The following G3BP1 variants were observed in gnomAD, a reference collection of about 807,000 sequenced individuals.
G3BP1 encodes G3BP stress granule assembly factor 1.
G3BP1 carries 35 observed loss-of-function variants against 58.6 expected under a neutral mutation model. That is an observed-to-expected ratio of 0.60 (90% confidence interval 0.46 to 0.79). The LOEUF is 0.79. Among genes scored for constraint, G3BP1 ranks in the 30% least tolerant of loss-of-function variants. The pLI, the probability that G3BP1 is intolerant of heterozygous loss-of-function variation, is 0.00. For missense variants in G3BP1, 523 were observed against 580.8 expected (o/e 0.90, Z 1.02); for synonymous variants, 191 against 195.4 (o/e 0.98, Z 0.19).
intron 1 of G3BP1, among the ~76,000 whole-genome samples, chr5:151,780,429 T>C (rs1762447092): frequency 6.6e-6 from 1 of 152,186 alleles, no homozygotes; most frequent in African/African-American, 2.4e-5. Flanking sequence ...AGCTTTGCCA[T>C]TAAAAATGCA....
At chr5:151,791,115 A>G (rs548848141) in intron 4 of G3BP1, 53 bp downstream of exon 4, 2 of 1,411,664 alleles carry the variant, frequency 1.4e-6, no homozygotes, top group Non-Finnish European at 2.0e-6. Flanking sequence ...AAAAAGAAAC[A>G]ATGAACTGTT....
rs2113257511 is a variant in G3BP1, at chr5:151,805,806, A to ATGGTGGG, written c.*1716_*1717insGGTGGGT. The ATGGTGGG allele has an allele frequency of 6.6e-6, 1 of 152,338 alleles. No individual in the cohort carries two copies. The highest frequency in any genetic ancestry group is 2.1e-4 in the South Asian group (1 of 4,826). 9.4% of individuals were successfully genotyped at this position (152,338 alleles called of 1,614,324 possible). A position where few individuals can be genotyped will look rare whatever the true frequency, so the allele number is the denominator to read the frequency against. On this transcript the variant is annotated 3_prime_UTR_variant, in exon 12 of 12. Coordinates refer to ENST00000356245, the MANE Select transcript of G3BP1 (RefSeq NM_005754.3). ...AATACAACTTATACTTTTGTAGCTTATATTAAGCATGTGGTGGGTGGAAAG... is the reference window on the plus strand; with the variant it reads ...AATACAACTTATACTTTTGTAGCTTATGGTGGGTATTAAGCATGTGGTGGGTGGAAAG...
At chr5:151,801,729 G>C (rs778317838) in intron 11 of G3BP1, among the ~76,000 whole-genome samples, 1 of 152,018 alleles carries the variant, frequency 6.6e-6, no homozygotes, top group Non-Finnish European at 1.5e-5. Context: ...AATTAAAATT[G>C]TGTACTTTAA....
chr5:151,774,286 A>AT (rs1293010315), intron 1 of G3BP1, among the ~76,000 whole-genome samples: 3 of 151,296 alleles, frequency 2.0e-5, no homozygotes, highest in Admixed American at 2.0e-4. Context: ...ACATTAGGAG[A>AT]TTTTGGTAAT....
chr5:151,804,020 G>A lies in G3BP1; in HGVS notation c.1330G>A (p.Gly444Ser). ...PRGGLGGGMRGPPRGGMVQKP... is the reference protein window; with the variant it reads ...PRGGLGGGMRSPPRGGMVQKP... The stretch of plus-strand genomic sequence containing the variant: ...AGGTGGGCTGGGTGGTGGAATGAGA[G>A]GCCCTCCCCGTGGAGGCATGGTGCA... The change falls in exon 12 of 12, where the codon GGC becomes AGC. Residue 444 changes from glycine to serine, a missense_variant. Coordinates refer to ENST00000356245, the MANE Select transcript of G3BP1 (RefSeq NM_005754.3). The A allele has an allele frequency of 6.2e-7, 1 of 1,613,420 alleles. No individual in the cohort carries two copies. The highest frequency in any genetic ancestry group is 8.5e-7 in the Non-Finnish European group (1 of 1,179,700).
intron 1 of G3BP1, among the ~76,000 whole-genome samples, chr5:151,773,573 C>T (rs1257708092): frequency 6.6e-6 from 1 of 152,110 alleles, no homozygotes; most frequent in East Asian, 1.9e-4. Flanking sequence ...CCAACATACT[C>T]CTTGGCTTAG....
In G3BP1 at chr5:151,811,474, T is replaced by C. The variant is rs1471171113; in HGVS notation, c.*7383T>C. 2.0e-5 allele frequency: 3 copies of C among 152,256 alleles called. No individual in the cohort carries two copies. Among genetic ancestry groups the C allele is most frequent in the Non-Finnish European group, 4.4e-5 (3 of 68,044 alleles). The allele number at this position is 152,256 out of a possible 1,614,324, so 9.4% of individuals were successfully genotyped here. A position where few individuals can be genotyped will look rare whatever the true frequency, so the allele number is the denominator to read the frequency against. On this transcript the variant is annotated 3_prime_UTR_variant, in exon 12 of 12. Coordinates refer to ENST00000356245, the MANE Select transcript of G3BP1 (RefSeq NM_005754.3). ...GCATATAAAGTTGGTTAAATAGTAA[T>C]AATTATGAGTTAACCACAGAAAATT...
At position 151,788,570 on chromosome 5, in the gene G3BP1, A is replaced by ATGTGTGTGTGTG. The variant is rs201430384; in HGVS notation, c.96-1752_96-1751insGTGTGTGTGTGT. ...TGCACTACCATGCCCAGCTAAGTTT[A>ATGTGTGTGTGTG]TATGTGTGTGTGTGTGTGTGTGTGT... On this transcript the variant is annotated intron_variant, in intron 2 of 11. Transcript: ENST00000356245. Among the ~76,000 whole-genome samples, 176 of 93,154 alleles carry ATGTGTGTGTGTG rather than the reference A, an allele frequency of 1.9e-3. 3 individuals are homozygous for ATGTGTGTGTGTG. Among genetic ancestry groups the ATGTGTGTGTGTG allele is most frequent in the Middle Eastern group, 5.9e-3 (1 of 170 alleles). 61.1% of individuals were successfully genotyped at this position (93,154 alleles called of 152,430 possible).
chr5:151,795,074 G>A (rs1309642972), intron 5 of G3BP1, among the ~76,000 whole-genome samples: 7 of 152,166 alleles, frequency 4.6e-5, no homozygotes, highest in Non-Finnish European at 1.0e-4. Context: ...TCAGGAGATC[G>A]AGGCCATCCT....
rs1762972441 is a variant in G3BP1, at chr5:151,808,741, A to G, written c.*4650A>G. The G allele has an allele frequency of 6.6e-6, 1 of 152,236 alleles. No homozygotes were observed. The highest frequency in any genetic ancestry group is 2.4e-5 in the African/African-American group (1 of 41,458). 9.4% of individuals were successfully genotyped at this position (152,236 alleles called of 1,614,324 possible). A position where few individuals can be genotyped will look rare whatever the true frequency, so the allele number is the denominator to read the frequency against. On this transcript the variant is annotated 3_prime_UTR_variant, in exon 12 of 12. Transcript: ENST00000356245. Reference sequence around the variant, plus strand: ...TAAGTAAATTAAGGATGTTTACCAGAAATTATTGATTTACTGAACCAAGTA... The same window carrying G: ...TAAGTAAATTAAGGATGTTTACCAGGAATTATTGATTTACTGAACCAAGTA...
chr5:151,774,682 A>G (rs929871251), intron 1 of G3BP1, among the ~76,000 whole-genome samples: 3 of 151,490 alleles, frequency 2.0e-5, no homozygotes, highest in African/African-American at 7.3e-5. Context: ...CTGACTTTAC[A>G]AAGAAGAATG....
rs551587602 is a variant in G3BP1, at chr5:151,795,971, G to A, written c.539+396G>A. Among the ~76,000 whole-genome samples the A allele has an allele frequency of 4.6e-5, 7 of 152,300 alleles. No homozygotes were observed. In the South Asian group the frequency reaches 1.5e-3, roughly 32 times the overall value. Reference sequence around the variant, plus strand: ...AATTGATATAAATACCAATATGTGAGTTAAGTAGCAATAAAGAATTTCATT... The same window carrying A: ...AATTGATATAAATACCAATATGTGAATTAAGTAGCAATAAAGAATTTCATT... On this transcript the variant is annotated intron_variant, in intron 6 of 11. Coordinates refer to ENST00000356245, the MANE Select transcript of G3BP1 (RefSeq NM_005754.3).
At chr5:151,801,460 A>G (rs184273533) in intron 11 of G3BP1, among the ~76,000 whole-genome samples, 113 of 152,316 alleles carry the variant, frequency 7.4e-4, no homozygotes, top group Non-Finnish European at 1.4e-3. Flanking sequence ...TACTTTTTGT[A>G]GTAGTAGAGA....
rs1762977956 is a variant in G3BP1 at position 151,809,137 on chromosome 5, C to T, written c.*5046C>T. The T allele has an allele frequency of 6.6e-6, 1 of 152,216 alleles. No homozygotes were observed. Among genetic ancestry groups the T allele is most frequent in the African/African-American group, 2.4e-5 (1 of 41,428 alleles). 9.4% of individuals were successfully genotyped at this position (152,216 alleles called of 1,614,324 possible). The stretch of plus-strand genomic sequence containing the variant: ...GCTGCAGTGAGTTATGATCATACCA[C>T]TGCACTCTAACCTGGGTGACAGAGT... On this transcript the variant is annotated 3_prime_UTR_variant, in exon 12 of 12. Transcript: ENST00000356245.
At chr5:151,786,979 ACCACAGGTG>A (rs1252151863) in intron 2 of G3BP1, 2 of 235,284 alleles carry the variant, frequency 8.5e-6, no homozygotes, top group Non-Finnish European at 1.6e-5. Flanking sequence ...AGTAGCTGGG[ACCACAGGTG>A]CCCACAACCA....
In G3BP1 at chr5:151,805,553, A is replaced by C. The variant is rs1179375275; in HGVS notation, c.*1462A>C. Reference sequence around the variant, plus strand: ...TCATCTTTAGGACTGTCGTTTGAGGATAGCATAGGAATATTTGGTTTGCAT... The same window carrying C: ...TCATCTTTAGGACTGTCGTTTGAGGCTAGCATAGGAATATTTGGTTTGCAT... On this transcript the variant is annotated 3_prime_UTR_variant, in exon 12 of 12. Transcript: ENST00000356245. 6.6e-6 allele frequency: 1 copy of C among 152,174 alleles called. No individual in the cohort carries two copies. The highest frequency in any genetic ancestry group is 6.5e-5 in the Admixed American group (1 of 15,282). The allele number at this position is 152,174 out of a possible 1,614,324, so 9.4% of individuals were successfully genotyped here.
At chr5:151,779,110 C>A (rs1017560384) in intron 1 of G3BP1, among the ~76,000 whole-genome samples, 3 of 151,770 alleles carry the variant, frequency 2.0e-5, no homozygotes, top group African/African-American at 7.3e-5. Flanking sequence ...TACTCCTAAT[C>A]TGTGGCTTGC....
At chr5:151,794,465 A>C (rs563598164) in intron 5 of G3BP1, among the ~76,000 whole-genome samples, 1 of 152,228 alleles carries the variant, frequency 6.6e-6, no homozygotes, top group African/African-American at 2.4e-5. Flanking sequence ...TAAGACTCTT[A>C]GGTCAGAAGG....
intron 1 of G3BP1, among the ~76,000 whole-genome samples, chr5:151,783,386 T>G (rs879120867): frequency 2.6e-5 from 4 of 152,090 alleles, no homozygotes; most frequent in African/African-American, 9.7e-5. Flanking sequence ...TCTTTTTTTT[T>G]GCTGTGAATG....
Sources: gnomAD v4.1 joint callset for allele counts (sites outside exome capture counted in the v4.1 genomes callset) on GRCh38, gnomAD v4.1.1 for gene constraint, MANE v1.5 for transcripts, NCBI Gene and HGNC (gene_info 2026-07-23, HGNC 2026-07-21) for gene names.